CELF2: variants seen among roughly 807,000 people sequenced by gnomAD.
CELF2 encodes CUGBP Elav-like family member 2, also known as CUG triplet repeat RNA-binding protein 2.
Under a neutral mutation model 62.6 loss-of-function variants are expected in CELF2, and 8 were observed. That is an observed-to-expected ratio of 0.13 (90% CI 0.07 to 0.23). CELF2 has a LOEUF of 0.23. Among genes scored for constraint, CELF2 ranks in the 10% least tolerant of loss-of-function variants. CELF2 has a pLI of 1.00. For synonymous variants in CELF2, 258 were observed against 250.0 expected, an observed-to-expected ratio of 1.03 and a Z score of -0.30; for missense variants, 333 against 671.0, an observed-to-expected ratio of 0.50 and a Z score of 5.56.
At chr10:11,053,484 C>G (rs1224210903) in intron 1 of CELF2, among the ~76,000 whole-genome samples, 1 of 151,820 alleles carries the variant, frequency 6.6e-6, no homozygotes, top group Non-Finnish European at 1.5e-5. Context: ...TACTTTTTCT[C>G]TTTAACTCTT....
chr10:10,700,712 G>A, the CELF2 span, among the ~76,000 whole-genome samples: 1 of 152,196 alleles, frequency 6.6e-6, no homozygotes, highest in Non-Finnish European at 1.5e-5. Flanking sequence ...TCTTTGCCTT[G>A]TAATTTCTTC....
rs1378638938 is a variant in CELF2, at chr10:10,821,955, A to G, written c.53+23138A>G. Among the ~76,000 whole-genome samples, 5 of 152,162 alleles carry G rather than the reference A, an allele frequency of 3.3e-5. No homozygotes were observed. The East Asian group carries it at 9.6e-4, about 29-fold the overall frequency. ...GGGATTACTTTATTAAAAGACAAGG[A>G]TGATTTTATTTCTCCCCTGCTGAGA... On this transcript the variant is annotated intron_variant, in intron 1 of 13. Coordinates refer to the CELF2 transcript ENST00000636488.
At chr10:10,665,070 C>T in the CELF2 span, among the ~76,000 whole-genome samples, 8 of 152,136 alleles carry the variant, frequency 5.3e-5, no homozygotes, top group African/African-American at 1.7e-4. Context: ...GGTTAAAATT[C>T]GTGGGCACTT....
At chr10:11,201,051 G>A (rs887907698) in intron 2 of CELF2, among the ~76,000 whole-genome samples, 2 of 152,182 alleles carry the variant, frequency 1.3e-5, no homozygotes, top group African/African-American at 4.8e-5. Context: ...TTGTCTACCT[G>A]ACTTCTCTAC....
At chr10:10,867,568 C>G (rs1187536213) in intron 1 of CELF2, among the ~76,000 whole-genome samples, 1 of 151,918 alleles carries the variant, frequency 6.6e-6, no homozygotes, top group Admixed American at 6.6e-5. Flanking sequence ...ATCATTTTTT[C>G]CTTCATTTCT....
chr10:10,604,111 G>C, the CELF2 span, among the ~76,000 whole-genome samples: 1 of 152,210 alleles, frequency 6.6e-6, no homozygotes, highest in South Asian at 2.1e-4. Context: ...TAGGGAGGCT[G>C]AGGCACAAGA....
the CELF2 span, among the ~76,000 whole-genome samples, chr10:10,637,658 C>T: frequency 1.3e-5 from 2 of 152,172 alleles, no homozygotes; most frequent in Non-Finnish European, 2.9e-5. Flanking sequence ...TCTTCCTTGG[C>T]AGGCACAGGA....
chr10:11,295,167 T>A (rs538962185), intron 9 of CELF2, among the ~76,000 whole-genome samples: 1 of 152,326 alleles, frequency 6.6e-6, no homozygotes, highest in South Asian at 2.1e-4. Flanking sequence ...ACATGTTCTG[T>A]AAATAAAATG....
Position 11,290,342 on chromosome 10 carries a change from G to C in CELF2, c.976+1790G>C, listed in dbSNP as rs570274604. Among the ~76,000 whole-genome samples the C allele has an allele frequency of 6.6e-6, 1 of 152,256 alleles. No homozygotes were observed. The highest frequency in any genetic ancestry group is 1.9e-4 in the East Asian group (1 of 5,182). On this transcript the variant is annotated intron_variant, in intron 9 of 12. Coordinates refer to ENST00000633077, the MANE Select transcript of CELF2 (RefSeq NM_001326342.2). The surrounding 1 kb of genome is among the most constrained non-coding windows in gnomAD (Gnocchi z 4.3). ...TGAGTTCCGTGACGGAAGCCATGGC[G>C]CGTGTTGAGGCAGAGGACAGAGCCA...
chr10:10,682,036 A>G, the CELF2 span, among the ~76,000 whole-genome samples: 4 of 152,326 alleles, frequency 2.6e-5, no homozygotes, highest in East Asian at 7.7e-4. Context: ...TCTAGACAGA[A>G]TTTCTGTGGC....
rs993691524 is a variant in CELF2, at chr10:10,934,506, A to C, written c.89+14507A>C. ...CTCATTGTAGAAACAAAAACGAAAT[A>C]GTTGATTACAGAAAATATTGGGGAA... is the stretch of plus-strand genomic sequence containing the variant. On this transcript the variant is annotated intron_variant, in intron 2 of 13. Transcript: ENST00000636488. This position sits in a 1 kb window ranked among gnomAD's most constrained non-coding sequence, Gnocchi z 4.4. 7.2e-5 allele frequency: 11 copies of C among 152,240 alleles called. No homozygotes were observed. The highest frequency in any genetic ancestry group is 1.2e-4 in the Non-Finnish European group (8 of 68,040). The allele number at this position is 152,240 out of a possible 1,614,324, so 9.4% of individuals were successfully genotyped here.
chr10:10,708,586 G>A, the CELF2 span, among the ~76,000 whole-genome samples: 6 of 152,124 alleles, frequency 3.9e-5, no homozygotes, highest in Non-Finnish European at 5.9e-5. Flanking sequence ...AGAAAAGTCA[G>A]TGACTCAAGA....
rs1274576551 is a variant in CELF2, at chr10:11,261,031, G to A, written c.538+3159G>A. 2.6e-5 allele frequency among the ~76,000 whole-genome samples: 4 copies of A among 152,204 alleles called. No individual in the cohort carries two copies. The East Asian group carries it at 7.7e-4, about 29-fold the overall frequency. On this transcript the variant is annotated intron_variant, in intron 5 of 12. Transcript: ENST00000633077. ...GTTTAAAAATAAATAAAAATTAAGTGAAACAAAAGCATGGCTGCTCTGCAC... is the reference window on the plus strand; with the variant it reads ...GTTTAAAAATAAATAAAAATTAAGTAAAACAAAAGCATGGCTGCTCTGCAC...
the CELF2 span, among the ~76,000 whole-genome samples, chr10:10,523,874 A>G: frequency 6.6e-6 from 1 of 152,182 alleles, no homozygotes; most frequent in Non-Finnish European, 1.5e-5. Flanking sequence ...CACATACTTT[A>G]GTCTGCTTGA....
intron 1 of CELF2, among the ~76,000 whole-genome samples, chr10:11,026,464 G>T (rs568691337): frequency 2.4e-4 from 37 of 152,234 alleles, no homozygotes; most frequent in African/African-American, 8.9e-4. Flanking sequence ...GAAATCATTT[G>T]GTCCTTGAAA....
chr10:10,463,890 C>T, the CELF2 span, among the ~76,000 whole-genome samples: 1 of 149,558 alleles, frequency 6.7e-6, no homozygotes, highest in Non-Finnish European at 1.5e-5. Flanking sequence ...GAATAGATAA[C>T]TAGAAATGTA....
chr10:10,616,540 G>A, the CELF2 span, among the ~76,000 whole-genome samples: 11 of 151,884 alleles, frequency 7.2e-5, no homozygotes, highest in African/African-American at 1.7e-4. Flanking sequence ...TATAGAAATC[G>A]TAACATAAAT....
the CELF2 span, among the ~76,000 whole-genome samples, chr10:10,707,129 T>G: frequency 1.3e-5 from 2 of 152,228 alleles, no homozygotes; most frequent in Non-Finnish European, 2.9e-5. Context: ...CAATCTGGCT[T>G]AAATATTCAA....
At chr10:10,755,626 C>G in the CELF2 span, among the ~76,000 whole-genome samples, 3 of 152,218 alleles carry the variant, frequency 2.0e-5, no homozygotes, top group Non-Finnish European at 4.4e-5. Context: ...ATCTTTGTAA[C>G]CCTTCTCAGA....
Sources: allele counts gnomAD v4.1 joint callset (sites outside exome capture counted in the v4.1 genomes callset), GRCh38; gene constraint gnomAD v4.1.1; non-coding constraint Gnocchi (gnomAD v3.1); transcripts MANE v1.5; gene names NCBI Gene and HGNC (gene_info 2026-07-23, HGNC 2026-07-21).